The following TMEM245 variants were observed in gnomAD, a reference collection of about 807,000 sequenced individuals.
TMEM245 encodes the protein transmembrane protein 245.
TMEM245 carries 69 observed loss-of-function variants against 101.2 expected under a neutral mutation model. That is an observed-to-expected ratio of 0.68 (90% CI 0.56 to 0.83). The LOEUF is 0.83. Among genes scored for constraint, TMEM245 ranks in the 40% least tolerant of loss-of-function variants. The pLI is 0.00. For synonymous variants in TMEM245, 537 were observed against 449.8 expected (o/e 1.19, Z -2.45); for missense variants, 1,075 against 1,092.8 (o/e 0.98, Z 0.23).
intron 3 of TMEM245, among the ~76,000 whole-genome samples, chr9:109,094,737 G>A (rs1198127963): frequency 1.3e-5 from 2 of 152,040 alleles, no homozygotes; most frequent in African/African-American, 4.8e-5. Flanking sequence ...AACTACCTGG[G>A]GTAGATTCTA....
At chr9:109,108,226 T>G (rs375442296) in intron 2 of TMEM245, among the ~76,000 whole-genome samples, 2 of 152,122 alleles carry the variant, frequency 1.3e-5, no homozygotes, top group African/African-American at 4.8e-5. Flanking sequence ...TTAAGATGTA[T>G]TGACTTTTAA....
In TMEM245 at chr9:109,108,491, A is replaced by G. The variant is rs1209756083; in HGVS notation, c.659T>C (p.Val220Ala). 1.2e-6 allele frequency: 2 copies of G among 1,605,174 alleles called. No individual in the cohort carries two copies. Among genetic ancestry groups the G allele is most frequent in the Non-Finnish European group, 1.7e-6 (2 of 1,176,310 alleles). ...NASTERYLRA[V>A]SIPVWIILLF... ...CAATATAATCCAGACAGGAATTGAA[A>G]CTGCTCTCAAGTAGCGTTCAGTGCT... Residue 220 changes from valine (V) to alanine (A), a missense_variant, in exon 2 of 18, where the codon GTT becomes GCT. Coordinates refer to ENST00000374586, the MANE Select transcript of TMEM245 (RefSeq NM_032012.4).
At chr9:109,045,779 C>T (rs1828472284) in intron 14 of TMEM245, among the ~76,000 whole-genome samples, 1 of 152,124 alleles carries the variant, frequency 6.6e-6, no homozygotes, top group South Asian at 2.1e-4. Flanking sequence ...GTTAAGCATA[C>T]CTTTACTGTC....
chr9:109,043,795 T>C (rs1381183482), intron 14 of TMEM245, among the ~76,000 whole-genome samples: 1 of 152,110 alleles, frequency 6.6e-6, no homozygotes, highest in Non-Finnish European at 1.5e-5. Context: ...TCCCATACTA[T>C]ATATAGACTA....
At chr9:109,117,281 T>C (rs1229614117) in intron 1 of TMEM245, among the ~76,000 whole-genome samples, 1 of 151,734 alleles carries the variant, frequency 6.6e-6, no homozygotes, top group East Asian at 1.9e-4. Context: ...AGCTAATTTT[T>C]TTTTTTTTGT....
chr9:109,061,580 T>C (rs1012688023), intron 10 of TMEM245, among the ~76,000 whole-genome samples: 1 of 152,208 alleles, frequency 6.6e-6, no homozygotes, highest in African/African-American at 2.4e-5. Flanking sequence ...TCCTTCTTTT[T>C]TTTTGAGATA....
chr9:109,058,051 A>C (rs947986578), intron 11 of TMEM245, among the ~76,000 whole-genome samples: 2 of 144,852 alleles, frequency 1.4e-5, no homozygotes, highest in South Asian at 4.4e-4. Context: ...CCCAGGCTAG[A>C]GTGCAGTGGT....
At chr9:109,096,119 T>A (rs72760362) in intron 3 of TMEM245, among the ~76,000 whole-genome samples, 22,013 of 152,104 alleles carry the variant, frequency 0.14, 1,797 homozygotes, top group African/African-American at 0.2. Flanking sequence ...AGGTAGAGAA[T>A]ATATAGCAGA....
chr9:109,028,648 T>C (rs1408938315), intron 17 of TMEM245, among the ~76,000 whole-genome samples: 1 of 151,976 alleles, frequency 6.6e-6, no homozygotes, highest in Non-Finnish European at 1.5e-5. Flanking sequence ...AAAGAGATTA[T>C]GCTGGGTGGG....
chr9:109,044,822 T>G (rs1168952733), intron 14 of TMEM245, among the ~76,000 whole-genome samples: 1 of 150,054 alleles, frequency 6.7e-6, no homozygotes, highest in Non-Finnish European at 1.5e-5. Context: ...TACAGTGGCA[T>G]GACCACAGCT....
At chr9:109,024,192 C>T (rs192494852) in intron 17 of TMEM245, among the ~76,000 whole-genome samples, 38 of 152,332 alleles carry the variant, frequency 2.5e-4, no homozygotes, top group African/African-American at 8.9e-4. Context: ...ACTTAGCTGG[C>T]TCCCCAGCAC....
intron 11 of TMEM245, 37 bp from the exon 12 acceptor site, chr9:109,057,359 C>A (rs1828871543): frequency 6.3e-7 from 1 of 1,594,864 alleles, no homozygotes; most frequent in Admixed American, 1.7e-5. Flanking sequence ...AAATTCCCAT[C>A]TTAATCTAAA....
At chr9:109,050,524 T>G (rs761282940) in intron 13 of TMEM245, 46 bp downstream of exon 13, 1 of 1,613,246 alleles carries the variant, frequency 6.2e-7, no homozygotes, top group Admixed American at 1.7e-5. Context: ...GAAATATGCT[T>G]TAACAGGGAA....
intron 9 of TMEM245, 39 bp from the exon 10 acceptor site, chr9:109,064,606 T>G (rs1249391883): frequency 6.5e-7 from 1 of 1,545,506 alleles, no homozygotes; most frequent in Non-Finnish European, 8.9e-7. Flanking sequence ...AAAGTACACT[T>G]TCTGTGTAGT....
chr9:109,107,128 C>A (rs1830448930), intron 2 of TMEM245, among the ~76,000 whole-genome samples: 1 of 152,064 alleles, frequency 6.6e-6, no homozygotes, highest in African/African-American at 2.4e-5. Flanking sequence ...TGGCTCACAC[C>A]TGTAATCCCA....
chr9:109,088,815 C>CAAA (rs772216738), intron 5 of TMEM245, among the ~76,000 whole-genome samples: 9 of 67,418 alleles, frequency 1.3e-4, no homozygotes, highest in African/African-American at 4.3e-4. Context: ...GACTACATCT[C>CAAA]AAAAAAAAAA....
chr9:109,047,943 G>A (rs538011643), intron 14 of TMEM245, among the ~76,000 whole-genome samples: 11 of 152,270 alleles, frequency 7.2e-5, no homozygotes, highest in Admixed American at 6.5e-4. Flanking sequence ...GCTTTTCTGA[G>A]TCAGAAAGAT....
chr9:109,065,137 T>C (rs915554954), intron 9 of TMEM245, among the ~76,000 whole-genome samples: 3 of 152,166 alleles, frequency 2.0e-5, no homozygotes, highest in Admixed American at 2.0e-4. Flanking sequence ...TCCCTTTCAT[T>C]CTACTCTGCC....
chr9:109,105,971 A>G (rs1830404492), intron 3 of TMEM245, among the ~76,000 whole-genome samples: 1 of 152,134 alleles, frequency 6.6e-6, no homozygotes, highest in African/African-American at 2.4e-5. Context: ...ACGGGGTTTC[A>G]CCATATTGGC....
Sources: gnomAD v4.1 joint callset for allele counts (sites outside exome capture counted in the v4.1 genomes callset) on GRCh38, gnomAD v4.1.1 for gene constraint, MANE v1.5 for transcripts, NCBI Gene and HGNC (gene_info 2026-07-23, HGNC 2026-07-21) for gene names.